Variants in MATN2 observed in about 807,000 individuals in gnomAD.
MATN2 encodes the protein matrilin-2.
A neutral mutation model predicts 103.2 loss-of-function variants in MATN2; 69 were observed. That is an observed-to-expected ratio of 0.67 (90% CI 0.55 to 0.82). The LOEUF is 0.82. MATN2 is among the 40% of genes least tolerant of loss of function. The pLI is 0.00. For missense variants in MATN2, 1,023 were observed against 1,211.5 expected (o/e 0.84, Z 2.31); for synonymous variants, 429 against 450.2 (o/e 0.95, Z 0.60).
At chr8:97,884,796 A>C (rs1818372687) in intron 1 of MATN2, among the ~76,000 whole-genome samples, 1 of 152,084 alleles carries the variant, frequency 6.6e-6, no homozygotes, top group Non-Finnish European at 1.5e-5. Flanking sequence ...AACAACAACA[A>C]CACGGAATAG....
chr8:97,946,142 G>A lies in MATN2; in HGVS notation c.835+4243G>A, dbSNP rs570338661. Among the ~76,000 whole-genome samples, 107 of 152,240 alleles carry A rather than the reference G, an allele frequency of 7.0e-4. 2 individuals are homozygous for A. The highest frequency in any genetic ancestry group is 2.5e-3 in the African/African-American group (103 of 41,552). The stretch of plus-strand genomic sequence containing the variant: ...CCTATCAATTTTCTCTTCTTCAGGG[G>A]AGAAACACATCTTTTGATGACCTAG... On this transcript the variant is annotated intron_variant, in intron 4 of 18. Coordinates refer to ENST00000254898, the MANE Select transcript of MATN2 (RefSeq NM_002380.5).
chr8:98,027,374 A>T, intron 13 of MATN2, 42 bp from the exon 14 acceptor site: 1 of 1,515,386 alleles, frequency 6.6e-7, no homozygotes, highest in Non-Finnish European at 8.9e-7. Flanking sequence ...TGCATAAATG[A>T]TTTTTTATTC....
chr8:97,908,364 C>A (rs1488707016), intron 2 of MATN2, among the ~76,000 whole-genome samples: 1 of 152,030 alleles, frequency 6.6e-6, no homozygotes, highest in African/African-American at 2.4e-5. Flanking sequence ...AATCCCAGAA[C>A]TTTGGGAGGC....
chr8:97,899,562 C>G (rs1818918306), intron 2 of MATN2, among the ~76,000 whole-genome samples: 1 of 152,158 alleles, frequency 6.6e-6, no homozygotes, highest in African/African-American at 2.4e-5. Context: ...CCCTGTGTCT[C>G]CACGTGGTCT....
intron 14 of MATN2, among the ~76,000 whole-genome samples, chr8:98,029,844 TAAG>T (rs1299701668): frequency 1.3e-5 from 2 of 152,334 alleles, no homozygotes; most frequent in East Asian, 3.9e-4. Context: ...AAGGATTGAG[TAAG>T]AAAAGCTTTT....
chr8:97,879,928 G>T (rs1818198710), intron 1 of MATN2, among the ~76,000 whole-genome samples: 1 of 152,042 alleles, frequency 6.6e-6, no homozygotes, highest in African/African-American at 2.4e-5. Flanking sequence ...AAGACAGGAA[G>T]GTACAGCCTG....
intron 4 of MATN2, among the ~76,000 whole-genome samples, chr8:97,942,143 C>T (rs2130184444): frequency 6.6e-6 from 1 of 152,304 alleles, no homozygotes; most frequent in Non-Finnish European, 1.5e-5. Flanking sequence ...TCAGAAATAG[C>T]CTCTTTGGAT....
intron 2 of MATN2, among the ~76,000 whole-genome samples, chr8:97,906,957 C>T (rs905637226): frequency 2.6e-5 from 4 of 151,782 alleles, no homozygotes; most frequent in African/African-American, 9.7e-5. Context: ...CTGAACCTTT[C>T]CACACTTGTC....
intron 4 of MATN2, among the ~76,000 whole-genome samples, chr8:97,959,088 C>T (rs1472484161): frequency 6.6e-6 from 1 of 152,200 alleles, no homozygotes; most frequent in Non-Finnish European, 1.5e-5. Context: ...TTTCTTGGCA[C>T]TTCTCTTAGG....
chr8:98,027,913 G>T (rs1002325290), intron 14 of MATN2, 84 bp downstream of exon 14: 14 of 1,413,240 alleles, frequency 9.9e-6, no homozygotes, highest in Admixed American at 7.5e-5. Context: ...GGCCATAAGG[G>T]TAAGCTTCTT....
At chr8:97,986,909 T>A (rs1305827846) in intron 6 of MATN2, among the ~76,000 whole-genome samples, 2 of 152,208 alleles carry the variant, frequency 1.3e-5, no homozygotes, top group East Asian at 3.9e-4. Context: ...CTCGGCTCAC[T>A]GCAAGCTCCA....
At chr8:97,952,916 ATT>A (rs71570276) in intron 4 of MATN2, among the ~76,000 whole-genome samples, 28 of 96,094 alleles carry the variant, frequency 2.9e-4, no homozygotes, top group Admixed American at 5.2e-4. Context: ...GTTTGTAGGG[ATT>A]TTTTTTTTTT....
At position 98,033,141 on chromosome 8, in the gene MATN2, C is replaced by A; in HGVS notation, c.2681C>A (p.Ser894Tyr). Residue 894 changes from serine to tyrosine, a missense_variant, in exon 17 of 19, where the codon TCT becomes TAT. Transcript: ENST00000254898. ...YLFEEDNLLR[S>Y]TQKLSHSTKP... is the part of the protein sequence containing the mutation. ...TTTGAAGAAGACAATCTTTTACGGTCTACACAAAAGCTTTCCCATTCAACA... is the reference window on the plus strand; with the variant it reads ...TTTGAAGAAGACAATCTTTTACGGTATACACAAAAGCTTTCCCATTCAACA... The A allele has an allele frequency of 6.2e-7, 1 of 1,609,922 alleles. No individual in the cohort carries two copies. The highest frequency in any genetic ancestry group is 1.1e-5 in the South Asian group (1 of 89,982).
intron 6 of MATN2, among the ~76,000 whole-genome samples, chr8:97,988,470 AAATAAATT>A (rs1364873818): frequency 3.0e-5 from 2 of 67,738 alleles, no homozygotes; most frequent in African/African-American, 1.1e-4. Flanking sequence ...TACAAAAAAT[AAATAAATT>A]AACTGGGCAT....
chr8:98,003,823 G>C (rs374194120), intron 8 of MATN2, 40 bp downstream of exon 8: 2 of 1,612,192 alleles, frequency 1.2e-6, no homozygotes, highest in Non-Finnish European at 8.5e-7. Flanking sequence ...TGGAAGGTGG[G>C]GTCCACTCAT....
intron 1 of MATN2, among the ~76,000 whole-genome samples, chr8:97,885,804 AAG>A (rs1818402968): frequency 1.3e-5 from 2 of 152,180 alleles, no homozygotes; most frequent in South Asian, 2.1e-4. Flanking sequence ...GTCTCAAAAA[AAG>A]AGTTTAAATG....
At position 98,027,701 on chromosome 8, in the gene MATN2, A is replaced by G; in HGVS notation, c.2228A>G (p.Glu743Gly). The change falls in exon 14 of 19, where the codon GAG (glutamate) becomes GGG (glycine). Residue 743 changes from glutamate to glycine, a missense_variant. Glu to Gly is a moderately conservative substitution (Grantham distance 98). Coordinates refer to ENST00000254898, the MANE Select transcript of MATN2 (RefSeq NM_002380.5). ...GGGCTGGCCCTGAAACACATGTTTGAGAGAAGTTTTACCCAAGGAGAAGGG... is the reference window on the plus strand; with the variant it reads ...GGGCTGGCCCTGAAACACATGTTTGGGAGAAGTTTTACCCAAGGAGAAGGG... The part of the protein sequence containing the change: ...MTGLALKHMF[E>G]RSFTQGEGAR... 1.2e-6 allele frequency: 2 copies of G among 1,613,964 alleles called. No homozygotes were observed. The highest frequency in any genetic ancestry group is 1.7e-6 in the Non-Finnish European group (2 of 1,179,878).
Position 98,032,294 on chromosome 8 carries a change from C to T in MATN2, c.2558C>T (p.Pro853Leu). ...CAGGACTCTCCAGCAGGGGAACTGC[C>T]AAAAACGGTCCAACAGCCAACAGGT... ...GRQDSPAGEL[P>L]KTVQQPTESE... The change falls in exon 16 of 19, where the codon CCA becomes CTA. Residue 853 changes from proline to leucine, a missense_variant. Transcript: ENST00000254898. 6.2e-7 allele frequency: 1 copy of T among 1,611,486 alleles called. No homozygotes were observed. The highest frequency in any genetic ancestry group is 1.1e-5 in the South Asian group (1 of 90,510).
At chr8:97,911,364 AG>A (rs1809426700) in intron 2 of MATN2, among the ~76,000 whole-genome samples, 1 of 152,192 alleles carries the variant, frequency 6.6e-6, no homozygotes, top group Non-Finnish European at 1.5e-5. Context: ...CTCATTTTAC[AG>A]GGGAGAATAA....
Sources: gnomAD v4.1 joint callset for allele counts (sites outside exome capture counted in the v4.1 genomes callset) on GRCh38, gnomAD v4.1.1 for gene constraint, MANE v1.5 for transcripts, NCBI Gene and HGNC (gene_info 2026-07-23, HGNC 2026-07-21) for gene names.